PSMC5: variants seen among roughly 807,000 people sequenced by gnomAD.
PSMC5 encodes the protein proteasome 26S subunit, ATPase 5, also known as 26S proteasome regulatory subunit 8.
A neutral mutation model predicts 49.1 loss-of-function variants in PSMC5; 11 were observed. The ratio of observed to expected loss-of-function variants is 0.22; its 90% confidence interval spans 0.14 to 0.37. PSMC5 has a LOEUF of 0.37. Ranked by LOEUF, PSMC5 falls within the 10% of genes least tolerant of loss-of-function variation. PSMC5 has a pLI of 1.00. For missense variants in PSMC5, 229 were observed against 520.9 expected, an observed-to-expected ratio of 0.44 and a Z score of 5.45; for synonymous variants, 206 against 192.2, an observed-to-expected ratio of 1.07 and a Z score of -0.59.
In PSMC5 at chr17:63,830,624, C is replaced by A; in HGVS notation, c.552+123C>A. ...GCATCTTGCTTGGGCTGGCCCTCCC[C>A]CTGAAAAGAGTGGCTGGGGAAGTGT... On this transcript the variant is annotated intron_variant, in intron 6 of 11. Coordinates refer to ENST00000310144, the MANE Select transcript of PSMC5 (RefSeq NM_002805.6). This position sits in a 1 kb window ranked among gnomAD's most constrained non-coding sequence, Gnocchi z 4.0. 6.7e-7 allele frequency: 1 copy of A among 1,492,722 alleles called. No individual in the cohort carries two copies. Among genetic ancestry groups the A allele is most frequent in the South Asian group, 1.3e-5 (1 of 76,350 alleles). 92.5% of individuals were successfully genotyped at this position (1,492,722 alleles called of 1,614,324 possible). A position where few individuals can be genotyped will look rare whatever the true frequency, so the allele number is the denominator to read the frequency against.
At chr17:63,827,604 G>T in intron 1 of PSMC5, 90 bp downstream of exon 1, 1 of 1,549,386 alleles carries the variant, frequency 6.5e-7, no homozygotes, top group Non-Finnish European at 8.7e-7. Flanking sequence ...GGGCAGGAGC[G>T]TCGGGTGGGT....
intron 2 of PSMC5, 105 bp downstream of exon 2, chr17:63,828,314 C>T: frequency 1.8e-6 from 2 of 1,112,266 alleles, no homozygotes; most frequent in Non-Finnish European, 2.6e-6. Context: ...GAAGAAGCTG[C>T]TGCTTCTCCT....
chr17:63,827,869 A>G (rs1440870855), intron 1 of PSMC5: 2 of 1,430,136 alleles, frequency 1.4e-6, no homozygotes, highest in Non-Finnish European at 9.1e-7. Context: ...ACGCAGTGCA[A>G]AGCGCCCCCC....
chr17:63,828,047 C>A, intron 1 of PSMC5, 91 bp from the exon 2 acceptor site: 1 of 1,474,458 alleles, frequency 6.8e-7, no homozygotes, highest in East Asian at 2.3e-5. Flanking sequence ...GCAAAGCTAC[C>A]TGGTGTCAAG....
chr17:63,829,381 G>A, intron 2 of PSMC5, 113 bp from the exon 3 acceptor site: 1 of 883,816 alleles, frequency 1.1e-6, no homozygotes, highest in Admixed American at 2.1e-5. Flanking sequence ...ACAACATGCA[G>A]GTGCCCTGTG....
Position 63,827,460 on chromosome 17 carries a change from G to C in PSMC5, c.-31G>C, listed in dbSNP as rs374477572. 5.4e-5 allele frequency: 84 copies of C among 1,551,712 alleles called. No homozygotes were observed. In the African/African-American group the frequency reaches 1.0e-3, roughly 19 times the overall value. Reference sequence around the variant, plus strand: ...CCGCGCTTGCGCGCCAAGACGGCTCGGATGCCGGCGGTCTCTGCTGAAGAG... The same window carrying C: ...CCGCGCTTGCGCGCCAAGACGGCTCCGATGCCGGCGGTCTCTGCTGAAGAG... On this transcript the variant is annotated 5_prime_UTR_variant, in exon 1 of 12. Transcript: ENST00000310144.
Position 63,829,504 on chromosome 17 carries a change from A to G in PSMC5, c.107A>G (p.Asn36Ser), listed in dbSNP as rs1426113190. The change falls in exon 3 of 12, where the codon AAT becomes AGT. Residue 36 changes from asparagine to serine, a missense_variant. By Grantham distance (46) the Asn-to-Ser change is conservative (BLOSUM62 1). This residue lies in a region of PSMC5 where 98 missense variants were observed against 144.0 expected (regional missense o/e 0.68). Coordinates refer to ENST00000310144, the MANE Select transcript of PSMC5 (RefSeq NM_002805.6). ...SKIEELQLIV[N>S]DKSQNLRRLQ... The stretch of plus-strand genomic sequence containing the variant: ...TCTTGTCTGCCACAGCTGATTGTGA[A>G]TGATAAGAGCCAAAACCTCCGGAGG... 6.4e-6 allele frequency: 10 copies of G among 1,554,478 alleles called. No homozygotes were observed. The highest frequency in any genetic ancestry group is 8.7e-6 in the Non-Finnish European group (10 of 1,148,520).
chr17:63,827,727 GGAGT>G, intron 1 of PSMC5: 1 of 1,435,618 alleles, frequency 7.0e-7, no homozygotes, highest in South Asian at 1.5e-5. Flanking sequence ...CGGTAGAAGC[GGAGT>G]GAGTGAGGGA....
At chr17:63,828,089 C>T (rs142903599) in intron 1 of PSMC5, 49 bp from the exon 2 acceptor site, 4 of 1,605,222 alleles carry the variant, frequency 2.5e-6, no homozygotes, top group Non-Finnish European at 3.4e-6. Context: ...AGTGGCTTTA[C>T]CCCCTCGGAT....
intron 3 of PSMC5, 129 bp downstream of exon 3, chr17:63,829,692 A>G: frequency 8.2e-7 from 1 of 1,218,666 alleles, no homozygotes; most frequent in Non-Finnish European, 1.2e-6. Flanking sequence ...TTTCACATGC[A>G]TCTCTTTTTC....
intron 3 of PSMC5, 103 bp downstream of exon 3, chr17:63,829,666 T>TGTCA: frequency 7.8e-7 from 1 of 1,286,736 alleles, no homozygotes; most frequent in South Asian, 1.3e-5. Flanking sequence ...GTTTTCTCCC[T>TGTCA]GTCATCATCT....
Position 63,831,239 on chromosome 17 carries a change from C to G in PSMC5, c.870+13C>G. ...CAAGAACATCAAGGTAAGGTGGTAG[C>G]ATCCTTGGGATGGGCCCAGGGAAGG... On this transcript the variant is annotated intron_variant, in intron 8 of 11. Transcript: ENST00000310144. This position sits in a 1 kb window ranked among gnomAD's most constrained non-coding sequence, Gnocchi z 6.3. The G allele has an allele frequency of 3.1e-6, 5 of 1,594,796 alleles. No homozygotes were observed. The highest frequency in any genetic ancestry group is 4.3e-6 in the Non-Finnish European group (5 of 1,168,380).
chr17:63,830,625 C>T lies in PSMC5; in HGVS notation c.552+124C>T, dbSNP rs891186454. 4.0e-6 allele frequency: 6 copies of T among 1,491,454 alleles called. No individual in the cohort carries two copies. Among genetic ancestry groups the T allele is most frequent in the Non-Finnish European group, 5.4e-6 (6 of 1,118,766 alleles). 92.4% of individuals were successfully genotyped at this position (1,491,454 alleles called of 1,614,324 possible). A position where few individuals can be genotyped will look rare whatever the true frequency, so the allele number is the denominator to read the frequency against. On this transcript the variant is annotated intron_variant, in intron 6 of 11. Transcript: ENST00000310144. The surrounding 1 kb of genome is among the most constrained non-coding windows in gnomAD (Gnocchi z 4.0). ...CATCTTGCTTGGGCTGGCCCTCCCC[C>T]TGAAAAGAGTGGCTGGGGAAGTGTT...
rs773729290 is a variant in PSMC5, at chr17:63,831,461, G to A, written c.969+36G>A. 32 of 1,612,548 alleles carry A rather than the reference G, an allele frequency of 2.0e-5. 1 individual carries two copies. The Admixed American group carries it at 5.2e-4, about 26-fold the overall frequency. On this transcript the variant is annotated intron_variant, in intron 9 of 11. Transcript: ENST00000310144. This position sits in a 1 kb window ranked among gnomAD's most constrained non-coding sequence, Gnocchi z 6.3. ...GACACTGTGCAAAGTGGCTCTGGCT[G>A]TGGGGGTGGGGTGTGGGGCTCAGGC...
At chr17:63,829,623 T>TC (rs2040157545) in intron 3 of PSMC5, 60 bp downstream of exon 3, 1 of 1,485,130 alleles carries the variant, frequency 6.7e-7, no homozygotes, top group African/African-American at 1.4e-5. Flanking sequence ...TGTCCTTATC[T>TC]CCCTGCACTG....
Position 63,831,484 on chromosome 17 carries a change from G to A in PSMC5, c.970-22G>A. The A allele has an allele frequency of 6.2e-7, 1 of 1,613,636 alleles. No individual in the cohort carries two copies. The highest frequency in any genetic ancestry group is 8.5e-7 in the Non-Finnish European group (1 of 1,179,600). The stretch of plus-strand genomic sequence containing the variant: ...CTGTGGGGGTGGGGTGTGGGGCTCA[G>A]GCTTTTCCTTGCCATCTCCAGGCCC... On this transcript the variant is annotated intron_variant, in intron 9 of 11. Coordinates refer to ENST00000310144, the MANE Select transcript of PSMC5 (RefSeq NM_002805.6). This position sits in a 1 kb window ranked among gnomAD's most constrained non-coding sequence, Gnocchi z 6.3.
At chr17:63,828,263 G>A (rs989063428) in intron 2 of PSMC5, 54 bp downstream of exon 2, 1 of 1,550,962 alleles carries the variant, frequency 6.4e-7, no homozygotes, top group Non-Finnish European at 8.9e-7. Context: ...GGATGGAAAC[G>A]GACTTCCACA....
intron 2 of PSMC5, chr17:63,828,879 C>G (rs1436664251): frequency 6.5e-6 from 1 of 153,848 alleles, no homozygotes; most frequent in African/African-American, 2.4e-5. Flanking sequence ...TTCAATTTCA[C>G]CCTAACCCCC....
chr17:63,828,524 G>A, intron 2 of PSMC5: 1 of 251,260 alleles, frequency 4.0e-6, no homozygotes, highest in Non-Finnish European at 7.8e-6. Flanking sequence ...TCTTATAAAA[G>A]GGAAACATAA....
Sources: allele counts gnomAD v4.1 joint callset, GRCh38; gene constraint gnomAD v4.1.1; regional missense constraint gnomAD v4.1.1; non-coding constraint Gnocchi (gnomAD v3.1); transcripts MANE v1.5; gene names NCBI Gene and HGNC (gene_info 2026-07-23, HGNC 2026-07-21).